Variants in MORC1 observed in about 807,000 individuals in gnomAD.
MORC1 encodes the protein MORC family CW-type zinc finger 1.
MORC1 carries 59 observed loss-of-function variants against 134.9 expected under a neutral mutation model. The observed-to-expected ratio is 0.44, with a 90% CI of 0.35 to 0.54. The LOEUF is 0.54. Among genes scored for constraint, MORC1 ranks in the 20% least tolerant of loss-of-function variants. The pLI, the probability that MORC1 is intolerant of heterozygous loss-of-function variation, is 0.00. For missense variants in MORC1, 947 were observed against 1,134.5 expected (o/e 0.83, Z 2.37); for synonymous variants, 395 against 391.7 (o/e 1.01, Z -0.10).
intron 8 of MORC1, among the ~76,000 whole-genome samples, chr3:109,085,030 A>T (rs1001263341): frequency 2.6e-5 from 4 of 152,140 alleles, no homozygotes; most frequent in Non-Finnish European, 5.9e-5. Flanking sequence ...GTAAGACCAA[A>T]AACTATGAAA....
chr3:108,985,391 T>C (rs1393578430), intron 22 of MORC1, among the ~76,000 whole-genome samples: 1 of 152,224 alleles, frequency 6.6e-6, no homozygotes, highest in African/African-American at 2.4e-5. Flanking sequence ...AGTCAATGTG[T>C]CCTTCTTCCA....
At chr3:109,038,174 T>C (rs1949423767) in intron 14 of MORC1, among the ~76,000 whole-genome samples, 1 of 152,254 alleles carries the variant, frequency 6.6e-6, no homozygotes, top group South Asian at 2.1e-4. Context: ...GGTTCTGATT[T>C]GCATTTCTCT....
At chr3:109,049,061 T>C in intron 14 of MORC1, 1 of 817,386 alleles carries the variant, frequency 1.2e-6, no homozygotes, top group South Asian at 5.6e-5. Context: ...ATATGAACTG[T>C]TTCTCAGACT....
intron 20 of MORC1, among the ~76,000 whole-genome samples, chr3:109,001,821 A>C (rs1381081999): frequency 6.6e-6 from 1 of 152,068 alleles, no homozygotes; most frequent in Non-Finnish European, 1.5e-5. Context: ...TGAAATCCAG[A>C]CTCATGTATA....
Position 109,006,005 on chromosome 3 carries a change from A to G in MORC1, c.1768-690T>C, listed in dbSNP as rs569426235. The stretch of plus-strand genomic sequence containing the variant: ...TACAGTTGTGTATACTAGTTTGTTC[A>G]TGGCTAAGTCAAATCTCAAGGCATG... On this transcript the variant is annotated intron_variant, in intron 18 of 27. Transcript: ENST00000232603. Among the ~76,000 whole-genome samples the G allele has an allele frequency of 1.7e-4, 26 of 152,296 alleles. 1 individual carries two copies. Among genetic ancestry groups the G allele is most frequent in the African/African-American group, 6.0e-4 (25 of 41,570 alleles).
intron 20 of MORC1, 129 bp downstream of exon 20, chr3:109,004,688 A>C (rs1948494752): frequency 2.3e-6 from 2 of 853,748 alleles, no homozygotes. Flanking sequence ...CCTTGATTAC[A>C]GGGTAACAAT....
intron 27 of MORC1, 79 bp downstream of exon 27, chr3:108,963,335 G>T (rs1947131614): frequency 2.5e-6 from 3 of 1,198,866 alleles, no homozygotes; most frequent in East Asian, 4.7e-5. Flanking sequence ...GTAAGTGAAT[G>T]ACAATGTTAG....
chr3:108,972,184 T>G (rs1367186592), intron 24 of MORC1, among the ~76,000 whole-genome samples: 1 of 152,202 alleles, frequency 6.6e-6, no homozygotes, highest in Non-Finnish European at 1.5e-5. Context: ...CCCATCCTTC[T>G]ACTGTGACAG....
intron 14 of MORC1, among the ~76,000 whole-genome samples, chr3:109,052,886 T>C (rs1437711859): frequency 6.6e-6 from 1 of 151,986 alleles, no homozygotes; most frequent in East Asian, 1.9e-4. Context: ...AAAGGTCTAA[T>C]ACCCAGAATC....
At chr3:109,097,902 C>T (rs896766371) in intron 6 of MORC1, among the ~76,000 whole-genome samples, 8 of 151,670 alleles carry the variant, frequency 5.3e-5, no homozygotes, top group South Asian at 2.1e-4. Flanking sequence ...ATGTTGAGGG[C>T]GGGGGATGAG....
chr3:109,104,730 C>T (rs1251147553), intron 3 of MORC1, among the ~76,000 whole-genome samples: 2 of 152,152 alleles, frequency 1.3e-5, no homozygotes, highest in Non-Finnish European at 2.9e-5. Flanking sequence ...AGTTTGTAAA[C>T]TGGCCCTGAA....
chr3:109,108,107 T>C (rs1215846727), intron 3 of MORC1, among the ~76,000 whole-genome samples: 4 of 152,104 alleles, frequency 2.6e-5, no homozygotes, highest in Admixed American at 6.6e-5. Context: ...GAGAATTGCT[T>C]GAACCTGGGA....
At chr3:108,961,413 G>A (rs3804729) in intron 27 of MORC1, among the ~76,000 whole-genome samples, 54,939 of 151,944 alleles carry the variant, frequency 0.36, 10,687 homozygotes, top group Non-Finnish European at 0.43. Flanking sequence ...AGCACTTCTC[G>A]TCCTGTTAGA....
intron 16 of MORC1, among the ~76,000 whole-genome samples, chr3:109,028,670 C>T (rs1444622075): frequency 2.0e-5 from 3 of 152,064 alleles, no homozygotes; most frequent in African/African-American, 7.2e-5. Flanking sequence ...GCCATTTTTC[C>T]TTTTCTTACT....
intron 14 of MORC1, among the ~76,000 whole-genome samples, chr3:109,046,440 A>G (rs1459891919): frequency 6.6e-6 from 1 of 152,204 alleles, no homozygotes; most frequent in African/African-American, 2.4e-5. Flanking sequence ...TAAAATGTGG[A>G]AATCAAAACT....
In MORC1 at chr3:109,057,432, G is replaced by A. The variant is rs147730548; in HGVS notation, c.1086C>T (p.Asn362=). 39 of 1,611,286 alleles carry A rather than the reference G, an allele frequency of 2.4e-5. No individual in the cohort carries two copies. The highest frequency in any genetic ancestry group is 3.2e-5 in the Non-Finnish European group (38 of 1,178,708). ...AAATGAACATTCCAGCTTGGCTTCG[G>A]TTTTCTACGTTCACTCCATAGAACA... The part of the protein sequence containing the change: ...LSLFYGVNVE[N]RSQAGMFIYS... The change falls in exon 13 of 28, where the codon AAC becomes AAT. Residue 362 remains asparagine, a synonymous_variant. Coordinates refer to ENST00000232603, the MANE Select transcript of MORC1 (RefSeq NM_014429.4).
At chr3:109,099,229 A>G in intron 6 of MORC1, 129 bp downstream of exon 6, 1 of 652,324 alleles carries the variant, frequency 1.5e-6, no homozygotes, top group Non-Finnish European at 2.5e-6. Flanking sequence ...CCTTCTCTCC[A>G]TTTCCCAAAC....
At chr3:109,061,913 G>A in intron 11 of MORC1, 75 bp downstream of exon 11, 1 of 1,304,582 alleles carries the variant, frequency 7.7e-7, no homozygotes, top group Non-Finnish European at 1.1e-6. Context: ...TAGATGATAA[G>A]AGACAACTAT....
Position 109,000,603 on chromosome 3 carries a change from T to C in MORC1, c.2141A>G (p.Lys714Arg), listed in dbSNP as rs1314327144. The change falls in exon 21 of 28, where the codon AAG becomes AGG. Residue 714 changes from lysine (K) to arginine (R), a missense_variant. Transcript: ENST00000232603. Reference sequence around the variant, plus strand: ...CGTGTTCTCATCTTCAGTCAATACCTTACATTCCTCTACAAAGTTCAGACT... The same window carrying C: ...CGTGTTCTCATCTTCAGTCAATACCCTACATTCCTCTACAAAGTTCAGACT... ...KQSLNFVEEC[K>R]VLTEDENTSD... 1.2e-6 allele frequency: 2 copies of C among 1,611,700 alleles called. No individual in the cohort carries two copies. The highest frequency in any genetic ancestry group is 2.7e-5 in the African/African-American group (2 of 75,000).
Sources: gnomAD v4.1 joint callset for allele counts (sites outside exome capture counted in the v4.1 genomes callset) on GRCh38, gnomAD v4.1.1 for gene constraint, MANE v1.5 for transcripts, NCBI Gene and HGNC (gene_info 2026-07-23, HGNC 2026-07-21) for gene names.